GALNT13: variants seen among roughly 807,000 people sequenced by gnomAD.
GALNT13 encodes the protein UDP-GalNAc:polypeptide N-acetylgalactosaminyltransferase 13.
Under a neutral mutation model 64.2 loss-of-function variants are expected in GALNT13, and 28 were observed. That is an observed-to-expected ratio of 0.44 (90% CI 0.32 to 0.60). The LOEUF (loss-of-function observed/expected upper bound fraction) is 0.60, where lower values mean the gene tolerates loss of function less well. GALNT13 is among the 20% of genes least tolerant of loss of function. GALNT13 has a pLI of 0.05. For missense variants in GALNT13, 577 were observed against 669.8 expected, an observed-to-expected ratio of 0.86 and a Z score of 1.53; for synonymous variants, 214 against 224.6, an observed-to-expected ratio of 0.95 and a Z score of 0.42.
intron 9 of GALNT13, among the ~76,000 whole-genome samples, chr2:154,308,412 T>A (rs1369128205): frequency 6.6e-6 from 1 of 152,182 alleles, no homozygotes; most frequent in African/African-American, 2.4e-5. Context: ...GAAATACTAG[T>A]GTTTTTGACA....
chr2:153,562,282 A>G, the GALNT13 span, among the ~76,000 whole-genome samples: 3 of 151,972 alleles, frequency 2.0e-5, no homozygotes, highest in African/African-American at 7.3e-5. Flanking sequence ...TCGTTTTTTT[A>G]TCAGTACTAT....
chr2:154,316,908 G>A lies in GALNT13; in HGVS notation c.1156+15319G>A, dbSNP rs576913572. Among the ~76,000 whole-genome samples the A allele has an allele frequency of 1.2e-4, 19 of 152,278 alleles. No homozygotes were observed. In the South Asian group the frequency reaches 1.9e-3, roughly 15 times the overall value. On this transcript the variant is annotated intron_variant, in intron 9 of 12. Transcript: ENST00000392825. ...TATAAACAACAGTGAAAGGAATGGA[G>A]CTTTGACTTGAAAATACAGGTGGGC...
intron 3 of GALNT13, among the ~76,000 whole-genome samples, chr2:154,080,304 G>A (rs1394226832): frequency 1.3e-5 from 2 of 151,568 alleles, no homozygotes; most frequent in Non-Finnish European, 3.0e-5. Context: ...AAAAGAAGGA[G>A]AGGGAGAAGT....
the GALNT13 span, among the ~76,000 whole-genome samples, chr2:153,619,494 A>T: frequency 6.6e-6 from 1 of 152,074 alleles, no homozygotes; most frequent in African/African-American, 2.4e-5. Flanking sequence ...CTGTGTATTT[A>T]CTATTACCAG....
intron 3 of GALNT13, among the ~76,000 whole-genome samples, chr2:153,994,130 T>A (rs10181003): frequency 0.061 from 9,327 of 152,196 alleles, 590 homozygotes; most frequent in African/African-American, 0.16. Context: ...GTGTTCTCAT[T>A]GTTCAATTCT....
chr2:153,832,133 A>G, the GALNT13 span, among the ~76,000 whole-genome samples: 1,672 of 152,286 alleles, frequency 0.011, 28 homozygotes, highest in African/African-American at 0.038. Context: ...AGCATAAATG[A>G]AGTCTACCTG....
chr2:154,191,769 C>T (rs1686591589), intron 4 of GALNT13, among the ~76,000 whole-genome samples: 1 of 152,120 alleles, frequency 6.6e-6, no homozygotes, highest in Admixed American at 6.6e-5. Flanking sequence ...GGCTTCGACC[C>T]CACGGCAGTG....
the GALNT13 span, among the ~76,000 whole-genome samples, chr2:153,799,161 T>C: frequency 6.6e-6 from 1 of 152,188 alleles, no homozygotes; most frequent in Admixed American, 6.5e-5. Flanking sequence ...ATAAAGACCA[T>C]GTCTTTTGGA....
At chr2:153,887,173 A>G (rs565902910) in intron 1 of GALNT13, among the ~76,000 whole-genome samples, 2 of 151,968 alleles carry the variant, frequency 1.3e-5, no homozygotes, top group Admixed American at 6.6e-5. Context: ...TATGAGCTAG[A>G]TATTCTCATC....
the GALNT13 span, among the ~76,000 whole-genome samples, chr2:153,403,276 T>A: frequency 6.6e-6 from 1 of 151,434 alleles, no homozygotes; most frequent in South Asian, 2.1e-4. Context: ...GAGGAGGCAG[T>A]CTGCCCGTTC....
At chr2:154,180,336 A>C (rs932396433) in intron 4 of GALNT13, among the ~76,000 whole-genome samples, 4 of 152,068 alleles carry the variant, frequency 2.6e-5, no homozygotes, top group Non-Finnish European at 5.9e-5. Context: ...ATTTACTTTA[A>C]CATAGCTAGT....
At chr2:154,338,445 G>C (rs879369777) in intron 9 of GALNT13, among the ~76,000 whole-genome samples, 2 of 151,976 alleles carry the variant, frequency 1.3e-5, no homozygotes, top group Non-Finnish European at 2.9e-5. Flanking sequence ...GGCTACCTAA[G>C]ATTTGTTTCA....
chr2:154,331,156 T>A (rs1695145852), intron 9 of GALNT13, among the ~76,000 whole-genome samples: 1 of 151,984 alleles, frequency 6.6e-6, no homozygotes, highest in African/African-American at 2.4e-5. Flanking sequence ...AAAAATTTAA[T>A]CAAGGCAGTG....
At chr2:153,718,848 A>C in the GALNT13 span, among the ~76,000 whole-genome samples, 1 of 152,190 alleles carries the variant, frequency 6.6e-6, no homozygotes, top group African/African-American at 2.4e-5. Context: ...TTAGAAGTAT[A>C]ATGTGCTGTT....
At chr2:153,529,045 A>G in the GALNT13 span, among the ~76,000 whole-genome samples, 3 of 151,994 alleles carry the variant, frequency 2.0e-5, no homozygotes, top group East Asian at 5.8e-4. Flanking sequence ...AAACCCCAAA[A>G]CAGTGGAATA....
the GALNT13 span, among the ~76,000 whole-genome samples, chr2:153,081,502 C>A: frequency 6.6e-6 from 1 of 152,092 alleles, no homozygotes. Context: ...ATCCCCATAT[C>A]CCCCTTACCC....
At chr2:153,825,608 C>CTGTGTGTGTG in the GALNT13 span, among the ~76,000 whole-genome samples, 747 of 134,856 alleles carry the variant, frequency 5.5e-3, 7 homozygotes, top group African/African-American at 0.017. Context: ...TCCATGAGTG[C>CTGTGTGTGTG]TGTGTGTGTG....
the GALNT13 span, among the ~76,000 whole-genome samples, chr2:153,749,593 G>A: frequency 6.6e-6 from 1 of 151,888 alleles, no homozygotes; most frequent in South Asian, 2.1e-4. Flanking sequence ...AACTTTATAT[G>A]TGGCTATTGT....
At chr2:154,022,855 A>T (rs1697627379) in intron 3 of GALNT13, among the ~76,000 whole-genome samples, 1 of 152,142 alleles carries the variant, frequency 6.6e-6, no homozygotes, top group Non-Finnish European at 1.5e-5. Flanking sequence ...TTCCCTCTAC[A>T]CACTGCTTTG....
Sources: gnomAD v4.1 joint callset for allele counts (sites outside exome capture counted in the v4.1 genomes callset) on GRCh38, gnomAD v4.1.1 for gene constraint, MANE v1.5 for transcripts, NCBI Gene and HGNC (gene_info 2026-07-23, HGNC 2026-07-21) for gene names.